CEP350: variants seen among roughly 807,000 people sequenced by gnomAD.
CEP350 encodes the protein centrosomal protein 350.
Under a neutral mutation model 331.8 loss-of-function variants are expected in CEP350, and 126 were observed. That is an observed-to-expected ratio of 0.38 (90% CI 0.33 to 0.44). CEP350 has a LOEUF of 0.44. Ranked by LOEUF, CEP350 falls within the 20% of genes least tolerant of loss-of-function variation. CEP350 has a pLI of 1.00. For synonymous variants in CEP350, 1,200 were observed against 1,259.5 expected, an observed-to-expected ratio of 0.95 and a Z score of 1.00; for missense variants, 3,406 against 3,634.6, an observed-to-expected ratio of 0.94 and a Z score of 1.62.
At chr1:179,994,456 C>CTTT (rs532002663) in intron 5 of CEP350, among the ~76,000 whole-genome samples, 87 of 136,010 alleles carry the variant, frequency 6.4e-4, no homozygotes, top group African/African-American at 2.1e-3. Flanking sequence ...TTCTTTCTTT[C>CTTT]TTTTTTTTTT....
chr1:180,045,813 G>T (rs1182655195), intron 21 of CEP350, among the ~76,000 whole-genome samples: 1 of 152,074 alleles, frequency 6.6e-6, no homozygotes, highest in Non-Finnish European at 1.5e-5. Context: ...TCAAATTAAG[G>T]TCTAAATTAT....
At chr1:179,973,409 G>A (rs1651602935) in intron 1 of CEP350, among the ~76,000 whole-genome samples, 1 of 152,172 alleles carries the variant, frequency 6.6e-6, no homozygotes, top group African/African-American at 2.4e-5. Context: ...GAATCTAGAT[G>A]GCAGTGTTTT....
At chr1:180,010,372 G>C (rs1015871067) in intron 8 of CEP350, among the ~76,000 whole-genome samples, 1 of 136,398 alleles carries the variant, frequency 7.3e-6, no homozygotes, top group Non-Finnish European at 1.6e-5. Context: ...CATGAATACT[G>C]TTGGGGTCCC....
intron 3 of CEP350, among the ~76,000 whole-genome samples, chr1:179,990,022 C>A (rs1480876661): frequency 6.6e-6 from 1 of 151,636 alleles, no homozygotes; most frequent in Admixed American, 6.6e-5. Context: ...AACTCCATCT[C>A]TACTAAAACT....
At chr1:180,035,066 G>A (rs1656261012) in intron 16 of CEP350, among the ~76,000 whole-genome samples, 1 of 152,170 alleles carries the variant, frequency 6.6e-6, no homozygotes. Context: ...AGACAAAATA[G>A]CCTTATTGCT....
intron 1 of CEP350, among the ~76,000 whole-genome samples, chr1:179,973,533 G>A (rs1276912495): frequency 2.0e-5 from 3 of 151,948 alleles, no homozygotes; most frequent in African/African-American, 7.3e-5. Context: ...ATCATAATTA[G>A]GCTTTTACTT....
intron 17 of CEP350, among the ~76,000 whole-genome samples, chr1:180,038,696 T>C (rs1455810144): frequency 6.6e-6 from 1 of 152,190 alleles, no homozygotes; most frequent in Non-Finnish European, 1.5e-5. Flanking sequence ...GTTCAAATCT[T>C]TTACCCCCTT....
chr1:180,077,103 TAAAAC>T (rs1460096674), intron 28 of CEP350, among the ~76,000 whole-genome samples: 1 of 152,156 alleles, frequency 6.6e-6, no homozygotes, highest in Non-Finnish European at 1.5e-5. Flanking sequence ...TTACAGTTAA[TAAAAC>T]TATACACATA....
intron 37 of CEP350, among the ~76,000 whole-genome samples, chr1:180,105,991 A>C (rs1461422688): frequency 1.3e-5 from 2 of 152,162 alleles, no homozygotes; most frequent in Non-Finnish European, 2.9e-5. Context: ...TCTAGTTCTC[A>C]TTCACTCCCC....
chr1:179,991,980 ATTTT>A (rs528374188), intron 4 of CEP350, 78 bp from the exon 5 acceptor site: 1 of 1,194,378 alleles, frequency 8.4e-7, no homozygotes, highest in Non-Finnish European at 1.1e-6. Context: ...TAGATACCTA[ATTTT>A]TTTTTTAAGA....
chr1:180,047,260 A>C (rs1657177207), intron 21 of CEP350, among the ~76,000 whole-genome samples: 1 of 152,190 alleles, frequency 6.6e-6, no homozygotes, highest in African/African-American at 2.4e-5. Context: ...TAAACCAAGA[A>C]ATGTAAGGAG....
At chr1:180,036,666 A>G (rs1255248746) in intron 16 of CEP350, among the ~76,000 whole-genome samples, 1 of 152,220 alleles carries the variant, frequency 6.6e-6, no homozygotes, top group Non-Finnish European at 1.5e-5. Context: ...CACACTTACT[A>G]GACTACAGTA....
intron 29 of CEP350, among the ~76,000 whole-genome samples, chr1:180,079,081 C>T (rs1659407909): frequency 6.6e-6 from 1 of 152,024 alleles, no homozygotes; most frequent in Non-Finnish European, 1.5e-5. Context: ...GGTTTAGCCT[C>T]TTAAAGGCAG....
chr1:180,051,494 A>G (rs1657499316), intron 22 of CEP350, among the ~76,000 whole-genome samples: 2 of 151,942 alleles, frequency 1.3e-5, no homozygotes, highest in Non-Finnish European at 2.9e-5. Context: ...AACGTTTAGG[A>G]TGAAGGAACT....
Position 180,094,082 on chromosome 1 carries a change from A to C in CEP350, c.7977A>C (p.Ser2659=). The change falls in exon 34 of 38, where the codon TCA becomes TCC. Residue 2659 remains serine, a synonymous_variant. Coordinates refer to ENST00000367607, the MANE Select transcript of CEP350 (RefSeq NM_014810.5). ...AHVHQQSSVD[S]QISSKENKDL... is the part of the protein sequence containing the mutation. ...TTCACCAGCAGTCTTCAGTGGATTC[A>C]CAGATTTCTTCAAAGGAAAACAAAG... 9.9e-6 allele frequency: 16 copies of C among 1,613,960 alleles called. No homozygotes were observed. The highest frequency in any genetic ancestry group is 1.4e-5 in the Non-Finnish European group (16 of 1,179,864).
At position 180,111,011 on chromosome 1, in the gene CEP350, T is replaced by A; in HGVS notation, c.9204T>A (p.His3068Gln). The A allele has an allele frequency of 6.2e-7, 1 of 1,613,724 alleles. No individual in the cohort carries two copies. Among genetic ancestry groups the A allele is most frequent in the Non-Finnish European group, 8.5e-7 (1 of 1,179,668 alleles). The change falls in exon 38 of 38, where the codon CAT becomes CAA. Residue 3068 changes from histidine (H) to glutamine (Q), a missense_variant. This residue lies in a region of CEP350 where 1,415 missense variants were observed against 1,512.3 expected (regional missense o/e 0.94). Coordinates refer to ENST00000367607, the MANE Select transcript of CEP350 (RefSeq NM_014810.5). ...CTAAATCCTAGGTTCAGGAGCTCCA[T>A]GAGGAGGAGGCACAGTGGGTGAACT... The part of the protein sequence containing the change: ...RVDHILVQEL[H>Q]EEEAQWVNYD...
rs1655247746 is a variant in CEP350, at chr1:180,020,383, A to T, written c.2609A>T (p.Asp870Val). The change falls in exon 12 of 38, where the codon GAT (aspartate) becomes GTT (valine). Residue 870 changes from aspartate to valine, a missense_variant. Coordinates refer to ENST00000367607, the MANE Select transcript of CEP350 (RefSeq NM_014810.5). The stretch of plus-strand genomic sequence containing the variant: ...GATGTGCAGCAGGCACCTCAAGAAG[A>T]TGGACCTTGGACCAAGGCTGTAACT... ...EYDVQQAPQE[D>V]GPWTKAVTPP... 14 of 1,613,828 alleles carry T rather than the reference A, an allele frequency of 8.7e-6. No individual in the cohort carries two copies. The highest frequency in any genetic ancestry group is 1.2e-5 in the Non-Finnish European group (14 of 1,179,896).
At chr1:180,003,096 A>G (rs746752865) in intron 6 of CEP350, 78 bp from the exon 7 acceptor site, 1 of 878,512 alleles carries the variant, frequency 1.1e-6, no homozygotes, top group Non-Finnish European at 1.8e-6. Context: ...TCGATTATAT[A>G]TCACTTTAAA....
Position 180,034,074 on chromosome 1 carries a change from C to T in CEP350, c.3938C>T (p.Pro1313Leu). Residue 1313 changes from proline (P) to leucine (L), a missense_variant, in exon 16 of 38, where the codon CCA (proline) becomes CTA (leucine). Coordinates refer to ENST00000367607, the MANE Select transcript of CEP350 (RefSeq NM_014810.5). The part of the protein sequence containing the change: ...ASRTTTENMA[P>L]IPGSKRFSPA... ...AGAACAACGACAGAGAACATGGCTC[C>T]AATACCAGGTAAGTAGATTCATGCA... The T allele has an allele frequency of 6.2e-7, 1 of 1,613,256 alleles. No individual in the cohort carries two copies. The highest frequency in any genetic ancestry group is 8.5e-7 in the Non-Finnish European group (1 of 1,179,570).
Sources: gnomAD v4.1 joint callset for allele counts (sites outside exome capture counted in the v4.1 genomes callset) on GRCh38, gnomAD v4.1.1 for gene constraint, gnomAD v4.1.1 regional missense constraint, MANE v1.5 for transcripts, NCBI Gene and HGNC (gene_info 2026-07-23, HGNC 2026-07-21) for gene names.